CRB2: variants seen among roughly 807,000 people sequenced by gnomAD.
The protein encoded by CRB2 is crumbs cell polarity complex component 2, also known as protein crumbs homolog 2.
In CRB2, 85 loss-of-function variants were observed where a neutral mutation model predicts 110.9. The observed-to-expected ratio is 0.77, with a 90% CI of 0.64 to 0.92. CRB2 has a LOEUF of 0.92. Among genes scored for constraint, CRB2 ranks in the 40% least tolerant of loss-of-function variants. The pLI, the probability that CRB2 is intolerant of heterozygous loss-of-function variation, is 0.00. For missense variants in CRB2, 1,843 were observed against 1,851.3 expected (o/e 1.00, Z 0.08); for synonymous variants, 907 against 831.0 (o/e 1.09, Z -1.57).
chr9:123,376,340 T>G (rs2042102704), intron 12 of CRB2, among the ~76,000 whole-genome samples: 1 of 152,168 alleles, frequency 6.6e-6, no homozygotes, highest in African/African-American at 2.4e-5. Flanking sequence ...AGCCTGTGAC[T>G]GGAGACACCA....
chr9:123,356,476 T>A, intron 1 of CRB2, 122 bp downstream of exon 1: 2 of 659,092 alleles, frequency 3.0e-6, no homozygotes, highest in Non-Finnish European at 4.7e-6. Context: ...GCCTGAGCTG[T>A]GGGGTGCACA....
chr9:123,359,211 C>CT (rs1229905742), intron 1 of CRB2, among the ~76,000 whole-genome samples: 1 of 152,088 alleles, frequency 6.6e-6, no homozygotes, highest in East Asian at 1.9e-4. Context: ...TTCCTGATGA[C>CT]TGAGTGAGTG....
Position 123,356,230 on chromosome 9 carries a change from A to T in CRB2, c.-31A>T. The T allele has an allele frequency of 1.0e-5, 14 of 1,357,396 alleles. No individual in the cohort carries two copies. The highest frequency in any genetic ancestry group is 1.2e-5 in the Non-Finnish European group (13 of 1,056,044). The allele number at this position is 1,357,396 out of a possible 1,614,324, so 84.1% of individuals were successfully genotyped here. On this transcript the variant is annotated 5_prime_UTR_variant, in exon 1 of 13. Transcript: ENST00000373631. ...AGCCAGGCCGCCCTCCCGTTCTCAC[A>T]GCAGCCGAGCAGAGCGCAGAGCGGG...
At chr9:123,366,844 A>G (rs1342053018) in intron 4 of CRB2, among the ~76,000 whole-genome samples, 3 of 151,718 alleles carry the variant, frequency 2.0e-5, no homozygotes, top group Non-Finnish European at 2.9e-5. Flanking sequence ...CTAGCTACTC[A>G]GGAAGCTGAG....
intron 1 of CRB2, among the ~76,000 whole-genome samples, chr9:123,361,056 TCCTTTCCCCGGTGCTGCCTCCCC>T (rs2132737988): frequency 6.6e-6 from 1 of 150,548 alleles, no homozygotes; most frequent in African/African-American, 2.5e-5. Flanking sequence ...CCCCCCAGGA[TCCTTTCCCCGGTGCTGCCTCCCC>T]AGCGTGGTCC....
Position 123,377,023 on chromosome 9 carries a change from C to A in CRB2, c.3819C>A (p.Asp1273Glu). 1 of 1,605,576 alleles carries A rather than the reference C, an allele frequency of 6.2e-7. No homozygotes were observed. The highest frequency in any genetic ancestry group is 1.1e-5 in the South Asian group (1 of 89,312). Residue 1273 changes from aspartate (D) to glutamate (E), a missense_variant, in exon 13 of 13, where the codon GAC (aspartate) becomes GAA (glutamate). Physicochemically the swap from Asp to Glu is conservative, Grantham distance 45. Coordinates refer to ENST00000373631, the MANE Select transcript of CRB2 (RefSeq NM_173689.7). ...TGGCTGGGGCCCGGCTGGAGATGGA[C>A]AGTGTCCTCAAGGTGCCACCGGAGG... ...QEVAGARLEM[D>E]SVLKVPPEER...
chr9:123,357,547 G>A (rs1477090314), intron 1 of CRB2, among the ~76,000 whole-genome samples: 1 of 152,126 alleles, frequency 6.6e-6, no homozygotes, highest in Non-Finnish European at 1.5e-5. Context: ...AGGAAACCAA[G>A]GCTCAGAGAG....
intron 6 of CRB2, 92 bp from the exon 7 acceptor site, chr9:123,370,016 A>G: frequency 7.1e-7 from 1 of 1,404,984 alleles, no homozygotes; most frequent in Non-Finnish European, 9.6e-7. Flanking sequence ...ATAGGTACTG[A>G]GGTCCCCATC....
intron 12 of CRB2, 141 bp from the exon 13 acceptor site, chr9:123,376,697 G>C (rs2042107907): frequency 1.3e-6 from 1 of 771,192 alleles, no homozygotes; most frequent in South Asian, 1.9e-5. Context: ...CTGGGGCTGG[G>C]TCTTCACTGC....
chr9:123,364,963 T>C (rs2041912668), intron 2 of CRB2, among the ~76,000 whole-genome samples: 1 of 152,170 alleles, frequency 6.6e-6, no homozygotes, highest in Admixed American at 6.5e-5. Flanking sequence ...AGAGTGGACC[T>C]TCTAAAAAGT....
At position 123,367,368 on chromosome 9, in the gene CRB2, G is replaced by C. The variant is rs1292761973; in HGVS notation, c.940+11G>C. The C allele has an allele frequency of 1.3e-6, 2 of 1,595,710 alleles. No individual in the cohort carries two copies. Among genetic ancestry groups the C allele is most frequent in the East Asian group, 4.5e-5 (2 of 44,804 alleles). ...CTCCTGGCTTTGAGGGTGAGCCCCT[G>C]CTGGGGAAGCGGTCAGCCCATGTCC... is the stretch of plus-strand genomic sequence containing the variant. On this transcript the variant is annotated intron_variant, in intron 5 of 12. Coordinates refer to ENST00000373631, the MANE Select transcript of CRB2 (RefSeq NM_173689.7).
rs972169363 is a variant in CRB2, at chr9:123,377,310, T to G, written c.*248T>G. 2 of 510,594 alleles carry G rather than the reference T, an allele frequency of 3.9e-6. No individual in the cohort carries two copies. The highest frequency in any genetic ancestry group is 7.1e-5 in the Admixed American group (2 of 28,248). The allele number at this position is 510,594 out of a possible 1,614,324, so 31.6% of individuals were successfully genotyped here. A position where few individuals can be genotyped will look rare whatever the true frequency, so the allele number is the denominator to read the frequency against. ...TTCCGCCTTGGCAGGTGTACGGCTG[T>G]GCGTGGGAGGGCACACGTGGGTTCA... is the stretch of plus-strand genomic sequence containing the variant. On this transcript the variant is annotated 3_prime_UTR_variant, in exon 13 of 13. Coordinates refer to ENST00000373631, the MANE Select transcript of CRB2 (RefSeq NM_173689.7).
At chr9:123,372,905 C>T (rs2042036822) in intron 9 of CRB2, among the ~76,000 whole-genome samples, 2 of 152,320 alleles carry the variant, frequency 1.3e-5, no homozygotes, top group South Asian at 4.1e-4. Context: ...AGGCATCACG[C>T]CCCACCCCCC....
chr9:123,373,171 C>G lies in CRB2; in HGVS notation c.2640C>G (p.Ala880=), dbSNP rs2042041534. 1 of 1,514,076 alleles carries G rather than the reference C, an allele frequency of 6.6e-7. No individual in the cohort carries two copies. 93.8% of individuals were successfully genotyped at this position (1,514,076 alleles called of 1,614,324 possible). The part of the protein sequence containing the change: ...AEATFREGPP[A]AFSGHNASSG... ...CCACGTTCCGCGAGGGTCCCCCCGC[C>G]GCGTTCAGCGGGCACAACGCGTCGT... Residue 880 remains alanine (A), a synonymous_variant, in exon 10 of 13, where the codon GCC becomes GCG. Transcript: ENST00000373631.
rs1047887760 is a variant in CRB2 at position 123,374,212 on chromosome 9, G to C, written c.3389+292G>C. ...GGTGGCTGGTTGGGGTGGAGGGAGG[G>C]GGTCAGGCTTTGGCGCTTCCCTTAT... On this transcript the variant is annotated intron_variant, in intron 10 of 12. Coordinates refer to ENST00000373631, the MANE Select transcript of CRB2 (RefSeq NM_173689.7). 16 of 600,674 alleles carry C rather than the reference G, an allele frequency of 2.7e-5. No individual in the cohort carries two copies. In the South Asian group the frequency reaches 2.8e-4, roughly 10 times the overall value. The allele number at this position is 600,674 out of a possible 1,614,324, so 37.2% of individuals were successfully genotyped here.
In CRB2 at chr9:123,375,359, G is replaced by T. The variant is rs536327257; in HGVS notation, c.3633+16G>T. On this transcript the variant is annotated intron_variant, in intron 12 of 12. Transcript: ENST00000373631. ...TGAAGTGGCGGTGAGTGTTGTCAGG[G>T]GTGAGGGGCCGTGGACGTGGCCTGC... is the stretch of plus-strand genomic sequence containing the variant. 6 of 1,569,696 alleles carry T rather than the reference G, an allele frequency of 3.8e-6. No individual in the cohort carries two copies. Among genetic ancestry groups the T allele is most frequent in the Non-Finnish European group, 4.3e-6 (5 of 1,154,646 alleles).
At position 123,376,806 on chromosome 9, in the gene CRB2, G is replaced by C. The variant is rs746316073; in HGVS notation, c.3634-32G>C. On this transcript the variant is annotated intron_variant, in intron 12 of 12. Transcript: ENST00000373631. The stretch of plus-strand genomic sequence containing the variant: ...GCCCCGGCGTCCTCCCCTTCTCTGC[G>C]GTCTTAGGCCTCGGTGTCGTGTCTC... 4.4e-6 allele frequency: 7 copies of C among 1,575,198 alleles called. No individual in the cohort carries two copies. The African/African-American group carries it at 6.7e-5, about 15-fold the overall frequency.
upstream of CRB2, among the ~76,000 whole-genome samples, chr9:123,355,637 C>A (rs1262400807): frequency 9.8e-6 from 1 of 102,164 alleles, no homozygotes; most frequent in Non-Finnish European, 2.0e-5. Flanking sequence ...TAGGGGCTGA[C>A]CGAGTGTGGG....
At chr9:123,371,694 G>A in intron 8 of CRB2, 116 bp downstream of exon 8, 1 of 1,440,020 alleles carries the variant, frequency 6.9e-7, no homozygotes, top group Non-Finnish European at 9.5e-7. Context: ...AGGCTCAGGA[G>A]GTGAAGTGAC....
Sources: allele counts gnomAD v4.1 joint callset (sites outside exome capture counted in the v4.1 genomes callset), GRCh38; gene constraint gnomAD v4.1.1; transcripts MANE v1.5; gene names NCBI Gene and HGNC (gene_info 2026-07-23, HGNC 2026-07-21).